HERC1: variants seen among roughly 807,000 people sequenced by gnomAD.
HERC1 encodes the protein HECT and RLD domain containing E3 ubiquitin protein ligase family member 1, also known as probable E3 ubiquitin-protein ligase HERC1.
A neutral mutation model predicts 554.3 loss-of-function variants in HERC1; 160 were observed. The observed-to-expected ratio is 0.29, with a 90% CI of 0.25 to 0.33. The LOEUF is 0.33. Among genes scored for constraint, HERC1 ranks in the 10% least tolerant of loss-of-function variants. The pLI is 1.00. For missense variants in HERC1, 4,919 were observed against 5,918.5 expected (o/e 0.83, Z 5.54); for synonymous variants, 2,175 against 2,131.7 (o/e 1.02, Z -0.56).
intron 37 of HERC1, 59 bp from the exon 38 acceptor site, chr15:63,675,176 G>T (rs2071133310): frequency 1.4e-6 from 2 of 1,415,174 alleles, no homozygotes; most frequent in African/African-American, 1.4e-5. Context: ...CGGGAGGAAG[G>T]TACGGAAAAT....
intron 1 of HERC1, among the ~76,000 whole-genome samples, chr15:63,830,386 A>G (rs73444589): frequency 1.0e-3 from 158 of 152,322 alleles, no homozygotes; most frequent in African/African-American, 3.7e-3. Context: ...AAAATGAAAG[A>G]AGTTCTAAAA....
intron 38 of HERC1, 27 bp downstream of exon 38, chr15:63,674,315 A>C: frequency 3.7e-6 from 1 of 271,328 alleles, no homozygotes; most frequent in Non-Finnish European, 5.6e-6. Flanking sequence ...GCACAAAAGC[A>C]AAAAAAAAAA....
intron 73 of HERC1, 61 bp from the exon 74 acceptor site, chr15:63,622,952 C>T (rs2068150803): frequency 1.0e-6 from 1 of 995,120 alleles, no homozygotes; most frequent in Non-Finnish European, 1.5e-6. Flanking sequence ...AGAGAACAAA[C>T]CAATTACAAG....
chr15:63,686,340 T>G lies in HERC1; in HGVS notation c.6225+19A>C, dbSNP rs1173170351. The G allele has an allele frequency of 1.3e-6, 2 of 1,558,710 alleles. No individual in the cohort carries two copies. Among genetic ancestry groups the G allele is most frequent in the Non-Finnish European group, 1.7e-6 (2 of 1,155,064 alleles). On this transcript the variant is annotated intron_variant, in intron 34 of 77. Transcript: ENST00000443617. ...GACTAAAAGACAAAATGCTAAAAAC[T>G]ATTAGATTTTCTACGTACCTTCCAC...
chr15:63,612,243 TTAC>T lies in HERC1; in HGVS notation c.14400+5_14400+7del. On this transcript the variant is annotated splice_donor_5th_base_variant and intron_variant, in intron 77 of 77. Transcript: ENST00000443617. This position sits in a 1 kb window ranked among gnomAD's most constrained non-coding sequence, Gnocchi z 5.0. ...ACATTACAAAGGAAAAAAGAATAGCTTACTTACCCTATCAACCTTCATGATTTG... is the reference window on the plus strand; with the variant it reads ...ACATTACAAAGGAAAAAAGAATAGCTTTACCCTATCAACCTTCATGATTTG... 1 of 1,592,782 alleles carries T rather than the reference TTAC, an allele frequency of 6.3e-7. No individual in the cohort carries two copies.
intron 1 of HERC1, among the ~76,000 whole-genome samples, chr15:63,829,459 T>TGC (rs1476988738): frequency 4.8e-5 from 5 of 105,022 alleles, no homozygotes; most frequent in South Asian, 5.9e-4. Context: ...TGTGTGTGTG[T>TGC]GCACATATAT....
intron 69 of HERC1, among the ~76,000 whole-genome samples, chr15:63,629,655 C>T (rs1180780637): frequency 6.6e-6 from 1 of 151,662 alleles, no homozygotes; most frequent in African/African-American, 2.4e-5. Context: ...ATTAACTCTC[C>T]TCTCAGTAAG....
In HERC1 at chr15:63,727,771, A is replaced by C. The variant is rs1063420; in HGVS notation, c.3222T>G (p.Pro1074=). The C allele has an allele frequency of 6.2e-7, 1 of 1,613,994 alleles. No homozygotes were observed. Among genetic ancestry groups the C allele is most frequent in the Non-Finnish European group, 8.5e-7 (1 of 1,179,846 alleles). Residue 1074 remains proline, a synonymous_variant, in exon 17 of 78, where the codon CCT becomes CCG. Coordinates refer to ENST00000443617, the MANE Select transcript of HERC1 (RefSeq NM_003922.4). The surrounding 1 kb of genome is among the most constrained non-coding windows in gnomAD (Gnocchi z 4.3). ...CQIVNSLLLL[P]VSVARPLLSY... Reference sequence around the variant, plus strand: ...TCAATAAAGGCCGAGCCACTGACACAGGGAGTAACAGCAGGGAGTTAACAA... The same window carrying C: ...TCAATAAAGGCCGAGCCACTGACACCGGGAGTAACAGCAGGGAGTTAACAA...
At chr15:63,723,432 T>C in intron 18 of HERC1, 77 bp from the exon 19 acceptor site, 1 of 990,014 alleles carries the variant, frequency 1.0e-6, no homozygotes, top group Non-Finnish European at 1.5e-6. Context: ...CACATTTATT[T>C]AATGATTATG....
At chr15:63,633,714 C>A (rs2068663602) in intron 67 of HERC1, 134 bp downstream of exon 67, 2 of 889,074 alleles carry the variant, frequency 2.2e-6, no homozygotes, top group East Asian at 2.7e-5. Flanking sequence ...CAAGAATGCA[C>A]AACAGAAGCT....
At chr15:63,728,656 G>A (rs772733450) in intron 16 of HERC1, among the ~76,000 whole-genome samples, 3 of 152,154 alleles carry the variant, frequency 2.0e-5, no homozygotes, top group Non-Finnish European at 4.4e-5. Flanking sequence ...CAGCTAGATG[G>A]AAATATAGGA....
chr15:63,734,333 C>G lies in HERC1; in HGVS notation c.2646+391G>C, dbSNP rs916416318. On this transcript the variant is annotated intron_variant, in intron 13 of 77. Coordinates refer to ENST00000443617, the MANE Select transcript of HERC1 (RefSeq NM_003922.4). The surrounding 1 kb of genome is among the most constrained non-coding windows in gnomAD (Gnocchi z 4.6). ...AGATAAAAATGGAAAGAAAAGTATA[C>G]TCATATTATCAAATACTTTTTCCTA... Among the ~76,000 whole-genome samples, 1 of 151,958 alleles carries G rather than the reference C, an allele frequency of 6.6e-6. No homozygotes were observed. The highest frequency in any genetic ancestry group is 2.1e-4 in the South Asian group (1 of 4,826).
chr15:63,644,907 C>G (rs563547571), intron 57 of HERC1, 85 bp downstream of exon 57: 2 of 1,052,222 alleles, frequency 1.9e-6, no homozygotes, highest in African/African-American at 3.1e-5. Context: ...ATAGTAATGA[C>G]TTTTTTAGTA....
In HERC1 at chr15:63,680,066, G is replaced by C; in HGVS notation, c.6549+11C>G. The C allele has an allele frequency of 6.5e-7, 1 of 1,546,472 alleles. No individual in the cohort carries two copies. The highest frequency in any genetic ancestry group is 1.7e-4 in the Middle Eastern group (1 of 5,906). On this transcript the variant is annotated intron_variant, in intron 36 of 77. Transcript: ENST00000443617. The surrounding 1 kb of genome is among the most constrained non-coding windows in gnomAD (Gnocchi z 5.8). ...CAAATATTCTTAAATAAAGGTTTGA[G>C]ACTTCATTACCTTTTCCCCTGGATT...
intron 1 of HERC1, among the ~76,000 whole-genome samples, chr15:63,805,634 C>A (rs2077114707): frequency 6.6e-6 from 1 of 152,150 alleles, no homozygotes; most frequent in African/African-American, 2.4e-5. Context: ...GTTAATTATA[C>A]CTCATCAAAG....
chr15:63,815,559 C>CT (rs2077465289), intron 1 of HERC1, among the ~76,000 whole-genome samples: 1 of 152,192 alleles, frequency 6.6e-6, no homozygotes, highest in African/African-American at 2.4e-5. Flanking sequence ...AAGTGTAATG[C>CT]TTACAGGCTA....
In HERC1 at chr15:63,737,456, TATATATATATATATCTTTTTTCCAG is replaced by T. The variant is rs1244264183; in HGVS notation, c.2521-2632_2521-2608del. 2.8e-4 allele frequency among the ~76,000 whole-genome samples: 32 copies of T among 113,902 alleles called. 1 individual carries two copies. Among genetic ancestry groups the T allele is most frequent in the African/African-American group, 1.1e-3 (29 of 26,702 alleles). The allele number at this position is 113,902 out of a possible 152,430, so 74.7% of individuals were successfully genotyped here. Reference sequence around the variant, plus strand: ...TATATATATATATCTTTTTTCCAGATATATATATATATATCTTTTTTCCAGATATATATATATACATATATATATC... The same window carrying T: ...TATATATATATATCTTTTTTCCAGATATATATATATATACATATATATATC... On this transcript the variant is annotated intron_variant, in intron 12 of 77. Transcript: ENST00000443617.
intron 1 of HERC1, among the ~76,000 whole-genome samples, chr15:63,786,034 T>C (rs2076429951): frequency 6.7e-6 from 1 of 150,086 alleles, no homozygotes; most frequent in Non-Finnish European, 1.5e-5. Flanking sequence ...TGGAAAAAAA[T>C]GAAAACAATC....
At position 63,734,110 on chromosome 15, in the gene HERC1, T is replaced by C. The variant is rs1467238459; in HGVS notation, c.2646+614A>G. ...TGAGCTTAGGAGTTCAAGGTTAGAG[T>C]GAGCTATGATTGCACCACCCTACTC... is the stretch of plus-strand genomic sequence containing the variant. On this transcript the variant is annotated intron_variant, in intron 13 of 77. Coordinates refer to ENST00000443617, the MANE Select transcript of HERC1 (RefSeq NM_003922.4). This position sits in a 1 kb window ranked among gnomAD's most constrained non-coding sequence, Gnocchi z 4.6. Among the ~76,000 whole-genome samples the C allele has an allele frequency of 6.6e-6, 1 of 151,808 alleles. No individual in the cohort carries two copies. Among genetic ancestry groups the C allele is most frequent in the Non-Finnish European group, 1.5e-5 (1 of 67,942 alleles).
Sources: gnomAD v4.1 joint callset for allele counts (sites outside exome capture counted in the v4.1 genomes callset) on GRCh38, gnomAD v4.1.1 for gene constraint, Gnocchi (gnomAD v3.1) non-coding constraint, MANE v1.5 for transcripts, NCBI Gene and HGNC (gene_info 2026-07-23, HGNC 2026-07-21) for gene names.